Variants in METTL2A observed in about 807,000 individuals in gnomAD.
METTL2A encodes the protein methyltransferase 2A, tRNA N3-cytidine.
In METTL2A, 45 loss-of-function variants were observed where a neutral mutation model predicts 49.4. The ratio of observed to expected loss-of-function variants is 0.91; its 90% CI spans 0.72 to 1.17. METTL2A has a LOEUF of 1.17. Among genes scored for constraint, METTL2A ranks in the 50% most tolerant of loss-of-function variants. The pLI is 0.00. For synonymous variants in METTL2A, 118 were observed against 167.5 expected (o/e 0.70, Z 2.28); for missense variants, 361 against 462.2 (o/e 0.78, Z 2.01).
chr17:62,428,624 A>G (rs1319087048), intron 4 of METTL2A, among the ~76,000 whole-genome samples: 4 of 152,156 alleles, frequency 2.6e-5, no homozygotes, highest in African/African-American at 9.7e-5. Context: ...CTTTACTTAC[A>G]TTTATGTGTT....
intron 2 of METTL2A, among the ~76,000 whole-genome samples, chr17:62,424,539 A>T (rs1236149993): frequency 1.3e-5 from 2 of 152,060 alleles, no homozygotes; most frequent in African/African-American, 4.8e-5. Context: ...ACTTTGGAGG[A>T]GGGTAATGTT....
In METTL2A at chr17:62,443,847, C is replaced by T. The variant is rs142410244; in HGVS notation, c.810-990C>T. 2.3e-3 allele frequency among the ~76,000 whole-genome samples: 342 copies of T among 151,850 alleles called. 1 individual carries two copies. Among genetic ancestry groups the T allele is most frequent in the African/African-American group, 6.5e-3 (269 of 41,400 alleles). The stretch of plus-strand genomic sequence containing the variant: ...CCTCAGGTGATCTGCCTGCCTTGGC[C>T]GTTTTTTTGTTTTTTGGTTTTTTTT... On this transcript the variant is annotated intron_variant, in intron 6 of 8. Coordinates refer to ENST00000311506, the MANE Select transcript of METTL2A (RefSeq NM_181725.4).
chr17:62,448,208 G>A lies in METTL2A; in HGVS notation c.983-367G>A, dbSNP rs187890375. Reference sequence around the variant, plus strand: ...TTCACCTGGGCCTTCCAAATTCTCCGTTCCTGGGCCCTTTTCAGGGTCACC... The same window carrying A: ...TTCACCTGGGCCTTCCAAATTCTCCATTCCTGGGCCCTTTTCAGGGTCACC... On this transcript the variant is annotated intron_variant, in intron 8 of 8. Transcript: ENST00000311506. Among the ~76,000 whole-genome samples, 304 of 152,264 alleles carry A rather than the reference G, an allele frequency of 2.0e-3. 1 individual carries two copies. The highest frequency in any genetic ancestry group is 6.6e-3 in the African/African-American group (274 of 41,556).
rs981721294 is a variant in METTL2A, at chr17:62,452,156, C to T, written c.*3427C>T. Among the ~76,000 whole-genome samples the T allele has an allele frequency of 6.6e-6, 1 of 152,216 alleles. No individual in the cohort carries two copies. The highest frequency in any genetic ancestry group is 1.5e-5 in the Non-Finnish European group (1 of 68,042). ...AGTCTACGGGTTAGGCTTGCTTTTG[C>T]ACCTTTGCATTTTAAGGTAAGAGGC... On this transcript the variant is annotated 3_prime_UTR_variant, in exon 9 of 9. Transcript: ENST00000311506.
At chr17:62,425,139 C>T (rs1476527959) in intron 2 of METTL2A, among the ~76,000 whole-genome samples, 1 of 151,444 alleles carries the variant, frequency 6.6e-6, no homozygotes. Context: ...GGTAAGCAGT[C>T]AGTAGTAGCA....
rs1256983012 is a variant in METTL2A, at chr17:62,452,892, C to T, written c.*4163C>T. On this transcript the variant is annotated 3_prime_UTR_variant, in exon 9 of 9. Transcript: ENST00000311506. ...CCCAAAGTGCTGGGATGAGCCACTG[C>T]GACTGGCCCCACTTAATGGGTTTTC... Among the ~76,000 whole-genome samples, 1 of 152,256 alleles carries T rather than the reference C, an allele frequency of 6.6e-6. No individual in the cohort carries two copies. Among genetic ancestry groups the T allele is most frequent in the East Asian group, 1.9e-4 (1 of 5,178 alleles).
intron 2 of METTL2A, among the ~76,000 whole-genome samples, chr17:62,425,010 C>A (rs1444437788): frequency 2.0e-5 from 3 of 149,504 alleles, no homozygotes; most frequent in Non-Finnish European, 4.4e-5. Context: ...CATATTTTGA[C>A]AGCAACTAGA....
At position 62,449,341 on chromosome 17, in the gene METTL2A, T is replaced by C; in HGVS notation, c.*612T>C. The C allele has an allele frequency of 2.3e-6, 1 of 433,764 alleles. No individual in the cohort carries two copies. The highest frequency in any genetic ancestry group is 4.6e-6 in the Non-Finnish European group (1 of 219,330). The allele number at this position is 433,764 out of a possible 1,614,324, so 26.9% of individuals were successfully genotyped here. On this transcript the variant is annotated 3_prime_UTR_variant, in exon 9 of 9. Transcript: ENST00000311506. ...GGAAGAATCAGATCAGATATTTTCCTGACAAAAAAAAATGACCCTACAGAG... is the reference window on the plus strand; with the variant it reads ...GGAAGAATCAGATCAGATATTTTCCCGACAAAAAAAAATGACCCTACAGAG...
chr17:62,426,887 T>G (rs2070632058), intron 3 of METTL2A, among the ~76,000 whole-genome samples: 1 of 152,252 alleles, frequency 6.6e-6, no homozygotes, highest in South Asian at 2.1e-4. Context: ...AGCATGTCAC[T>G]TCCAAAAATT....
rs374284706 is a variant in METTL2A at position 62,444,933 on chromosome 17, G to A, written c.906G>A (p.Arg302=). ...DYGRYDMAQL[R]FKKGQCLSGN... The stretch of plus-strand genomic sequence containing the variant: ...GCCGCTATGACATGGCTCAGCTTCG[G>A]TTTAAAAAAGGTATTTTGAAAGTGC... Residue 302 remains arginine (R), a synonymous_variant, in exon 7 of 9, where the codon CGG becomes CGA. Coordinates refer to ENST00000311506, the MANE Select transcript of METTL2A (RefSeq NM_181725.4). 1.1e-4 allele frequency: 174 copies of A among 1,613,568 alleles called. No homozygotes were observed. Among genetic ancestry groups the A allele is most frequent in the Non-Finnish European group, 1.4e-4 (166 of 1,179,776 alleles).
intron 4 of METTL2A, among the ~76,000 whole-genome samples, chr17:62,431,151 C>T (rs1210194027): frequency 4.6e-5 from 7 of 152,162 alleles, no homozygotes; most frequent in Non-Finnish European, 7.3e-5. Flanking sequence ...AGGTGTGAGC[C>T]ACTGCACCCA....
rs1243784048 is a variant in METTL2A, at chr17:62,451,233, G to T, written c.*2504G>T. Among the ~76,000 whole-genome samples, 2 of 148,250 alleles carry T rather than the reference G, an allele frequency of 1.3e-5. No individual in the cohort carries two copies. The highest frequency in any genetic ancestry group is 3.0e-5 in the Non-Finnish European group (2 of 67,420). ...ACAATTTCAGCTCACCGCAACCTCT[G>T]CCTCCCAAGTTTAAATGATTCTCCT... On this transcript the variant is annotated 3_prime_UTR_variant, in exon 9 of 9. Coordinates refer to ENST00000311506, the MANE Select transcript of METTL2A (RefSeq NM_181725.4).
intron 6 of METTL2A, 89 bp downstream of exon 6, chr17:62,440,845 G>A: frequency 1.3e-6 from 2 of 1,513,786 alleles, no homozygotes; most frequent in Non-Finnish European, 1.8e-6. Context: ...TGCTCTGTCA[G>A]CCCAGGCTGG....
At chr17:62,425,704 A>G (rs2070619896) in intron 2 of METTL2A, among the ~76,000 whole-genome samples, 1 of 145,490 alleles carries the variant, frequency 6.9e-6, no homozygotes, top group Admixed American at 6.8e-5. Flanking sequence ...ATTTTTTAAT[A>G]GTTAAAAGTC....
chr17:62,441,457 A>ATTTTT (rs1286685398), intron 6 of METTL2A, among the ~76,000 whole-genome samples: 1 of 151,578 alleles, frequency 6.6e-6, no homozygotes, highest in Non-Finnish European at 1.5e-5. Context: ...ATTTTATTTT[A>ATTTTT]TTTTTTTGAG....
In METTL2A at chr17:62,424,031, C is replaced by A; in HGVS notation, c.110+19C>A. On this transcript the variant is annotated intron_variant, in intron 1 of 8. Transcript: ENST00000311506. ...ATGCCTGGTAATCACTCTGCCCCTTCGCCCGGCCTGTCGCTGACCCTCTGT... is the reference window on the plus strand; with the variant it reads ...ATGCCTGGTAATCACTCTGCCCCTTAGCCCGGCCTGTCGCTGACCCTCTGT... The A allele has an allele frequency of 1.2e-6, 2 of 1,611,590 alleles. No individual in the cohort carries two copies. Among genetic ancestry groups the A allele is most frequent in the Non-Finnish European group, 1.7e-6 (2 of 1,179,002 alleles).
At chr17:62,437,299 C>T (rs185988266) in intron 5 of METTL2A, among the ~76,000 whole-genome samples, 16 of 152,074 alleles carry the variant, frequency 1.1e-4, no homozygotes, top group Non-Finnish European at 1.9e-4. Flanking sequence ...AACGTCTAGA[C>T]AAACTCAAAG....
intron 3 of METTL2A, among the ~76,000 whole-genome samples, chr17:62,427,148 A>G (rs1463726431): frequency 6.6e-6 from 1 of 152,152 alleles, no homozygotes. Flanking sequence ...CTAGATTGGT[A>G]TAATGTAAAT....
intron 2 of METTL2A, among the ~76,000 whole-genome samples, chr17:62,425,299 T>C (rs1247089432): frequency 6.6e-6 from 1 of 150,810 alleles, no homozygotes; most frequent in Non-Finnish European, 1.5e-5. Context: ...ACTACACTAG[T>C]CAAGGCCCCC....
Sources: gnomAD v4.1 joint callset for allele counts (sites outside exome capture counted in the v4.1 genomes callset) on GRCh38, gnomAD v4.1.1 for gene constraint, MANE v1.5 for transcripts, NCBI Gene and HGNC (gene_info 2026-07-23, HGNC 2026-07-21) for gene names.